LPP: variants seen among roughly 807,000 people sequenced by gnomAD.
LPP encodes the protein LIM domain containing preferred translocation partner in lipoma.
Under a neutral mutation model 60.4 loss-of-function variants are expected in LPP, and 38 were observed. The ratio of observed to expected loss-of-function variants is 0.63; its 90% CI spans 0.49 to 0.83. The LOEUF (loss-of-function observed/expected upper bound fraction) is 0.83. Ranked by LOEUF, LPP falls within the 40% of genes least tolerant of loss-of-function variation. The pLI is 0.00. For missense variants in LPP, 902 were observed against 783.6 expected, an observed-to-expected ratio of 1.15 and a Z score of -1.80; for synonymous variants, 328 against 290.8, an observed-to-expected ratio of 1.13 and a Z score of -1.30.
At chr3:188,807,583 G>T (rs1353266197) in intron 9 of LPP, among the ~76,000 whole-genome samples, 1 of 151,710 alleles carries the variant, frequency 6.6e-6, no homozygotes, top group African/African-American at 2.4e-5. Flanking sequence ...AATTTCTATT[G>T]ACCTATCTTT....
intron 2 of LPP, among the ~76,000 whole-genome samples, chr3:188,337,748 C>T (rs1223010445): frequency 1.3e-5 from 2 of 152,222 alleles, no homozygotes; most frequent in African/African-American, 4.8e-5. Flanking sequence ...GATCCACTCA[C>T]CTTGGCCTCC....
intron 2 of LPP, among the ~76,000 whole-genome samples, chr3:188,233,502 T>A (rs1302821999): frequency 6.6e-6 from 1 of 152,220 alleles, no homozygotes; most frequent in African/African-American, 2.4e-5. Context: ...TTAAAAATGA[T>A]CTAATGTTTT....
At chr3:188,429,070 TAG>T (rs1790246151) in intron 4 of LPP, among the ~76,000 whole-genome samples, 1 of 152,202 alleles carries the variant, frequency 6.6e-6, no homozygotes, top group Non-Finnish European at 1.5e-5. Flanking sequence ...GAGACAGCAC[TAG>T]AGTTACCTTG....
intron 6 of LPP, among the ~76,000 whole-genome samples, chr3:188,532,677 G>T (rs976895007): frequency 6.6e-6 from 1 of 152,116 alleles, no homozygotes; most frequent in East Asian, 1.9e-4. Context: ...TTACCAGTTT[G>T]TGCTTCCTTT....
chr3:188,380,761 C>A (rs559304910), intron 3 of LPP, among the ~76,000 whole-genome samples: 2 of 152,216 alleles, frequency 1.3e-5, no homozygotes, highest in Non-Finnish European at 2.9e-5. Flanking sequence ...CCATAAAATT[C>A]TCAGATGGAT....
intron 7 of LPP, among the ~76,000 whole-genome samples, chr3:188,629,101 A>G (rs1847385781): frequency 6.6e-6 from 1 of 152,166 alleles, no homozygotes; most frequent in Non-Finnish European, 1.5e-5. Context: ...GAAGGAACAT[A>G]CTTCAAAATA....
chr3:188,425,987 C>T (rs1234979751), intron 4 of LPP, among the ~76,000 whole-genome samples: 2 of 152,166 alleles, frequency 1.3e-5, no homozygotes, highest in African/African-American at 2.4e-5. Context: ...TTCTTGTCTT[C>T]TGCTAGCTTT....
At chr3:188,301,118 G>A (rs541623181) in intron 2 of LPP, among the ~76,000 whole-genome samples, 7 of 151,914 alleles carry the variant, frequency 4.6e-5, no homozygotes, top group African/African-American at 9.7e-5. Flanking sequence ...CTATCCAGTC[G>A]TCCGTCTAAC....
At chr3:188,380,076 G>C (rs761930470) in intron 3 of LPP, among the ~76,000 whole-genome samples, 1 of 152,152 alleles carries the variant, frequency 6.6e-6, no homozygotes, top group Non-Finnish European at 1.5e-5. Flanking sequence ...TGATGAAGCT[G>C]TAAGGTCCCC....
intron 4 of LPP, among the ~76,000 whole-genome samples, chr3:188,459,145 T>C (rs1798420392): frequency 6.6e-6 from 1 of 152,178 alleles, no homozygotes; most frequent in Admixed American, 6.5e-5. Context: ...TAAGTGGAGC[T>C]ACTGAAATAG....
chr3:188,734,542 C>T (rs1428084734), intron 8 of LPP, among the ~76,000 whole-genome samples: 2 of 152,208 alleles, frequency 1.3e-5, no homozygotes, highest in African/African-American at 4.8e-5. Context: ...CTTCCAATTC[C>T]TCAGGGAGCA....
intron 6 of LPP, among the ~76,000 whole-genome samples, chr3:188,585,837 T>C (rs540112971): frequency 7.2e-5 from 11 of 152,362 alleles, no homozygotes; most frequent in Admixed American, 2.6e-4. Flanking sequence ...CATGTAAACA[T>C]ACCTGTATAT....
At chr3:188,481,569 CAG>C (rs1233099359) in intron 4 of LPP, among the ~76,000 whole-genome samples, 1 of 152,120 alleles carries the variant, frequency 6.6e-6, no homozygotes, top group African/African-American at 2.4e-5. Context: ...ATTAGAGAAA[CAG>C]AGTAAAGAAG....
chr3:188,430,518 T>G (rs577977379), intron 4 of LPP, among the ~76,000 whole-genome samples: 1 of 152,292 alleles, frequency 6.6e-6, no homozygotes, highest in Non-Finnish European at 1.5e-5. Flanking sequence ...CTCTTTAAAC[T>G]CAACCTATAC....
At position 188,874,611 on chromosome 3, in the gene LPP, CA is replaced by C; in HGVS notation, c.*133del. 9.7e-7 allele frequency: 1 copy of C among 1,030,202 alleles called. No individual in the cohort carries two copies. Among genetic ancestry groups the C allele is most frequent in the South Asian group, 2.0e-5 (1 of 51,072 alleles). The allele number at this position is 1,030,202 out of a possible 1,614,324, so 63.8% of individuals were successfully genotyped here. ...TGCTATTAACCTTGCCTTAGAAACA[CA>C]TAAATTATGAGATTTTTTTTAAAAG... On this transcript the variant is annotated 3_prime_UTR_variant, in exon 12 of 12. Transcript: ENST00000617246.
At chr3:188,670,851 T>C (rs1856817698) in intron 7 of LPP, among the ~76,000 whole-genome samples, 1 of 152,180 alleles carries the variant, frequency 6.6e-6, no homozygotes, top group Admixed American at 6.5e-5. Flanking sequence ...GGCTTTATAT[T>C]TGGAGCGCTA....
intron 6 of LPP, among the ~76,000 whole-genome samples, chr3:188,544,433 C>A (rs539007898): frequency 1.3e-5 from 2 of 152,244 alleles, no homozygotes; most frequent in South Asian, 4.1e-4. Flanking sequence ...TATGAAAATT[C>A]TTTGTAAGCT....
In LPP at chr3:188,609,085, A is replaced by T; in HGVS notation, c.430-76A>T. On this transcript the variant is annotated intron_variant, in intron 6 of 11. Coordinates refer to ENST00000617246, the MANE Select transcript of LPP (RefSeq NM_001375462.1). The surrounding 1 kb of genome is among the most constrained non-coding windows in gnomAD (Gnocchi z 6.9). ...TAATTAGCAGTTATTAATATTTTTC[A>T]TTTATTCATTTTTATTGAGTTTCGT... is the stretch of plus-strand genomic sequence containing the variant. The T allele has an allele frequency of 9.5e-7, 1 of 1,056,370 alleles. No homozygotes were observed. The highest frequency in any genetic ancestry group is 1.4e-6 in the Non-Finnish European group (1 of 719,532). 65.4% of individuals were successfully genotyped at this position (1,056,370 alleles called of 1,614,324 possible).
intron 1 of LPP, among the ~76,000 whole-genome samples, chr3:188,161,293 G>A (rs543944652): frequency 5.9e-5 from 9 of 152,312 alleles, no homozygotes; most frequent in African/African-American, 2.2e-4. Context: ...GAAGGCTGCT[G>A]AAGTATTCCA....
Sources: allele counts gnomAD v4.1 joint callset (sites outside exome capture counted in the v4.1 genomes callset), GRCh38; gene constraint gnomAD v4.1.1; non-coding constraint Gnocchi (gnomAD v3.1); transcripts MANE v1.5; gene names NCBI Gene and HGNC (gene_info 2026-07-23, HGNC 2026-07-21).